The following ACVR1B variants were observed in gnomAD, a reference collection of about 807,000 sequenced individuals.
The protein encoded by ACVR1B is activin receptor type-1B.
A neutral mutation model predicts 55.6 loss-of-function variants in ACVR1B; 15 were observed. That is an observed-to-expected ratio of 0.27 (90% CI 0.18 to 0.42). The LOEUF is 0.42. ACVR1B is among the 10% of genes least tolerant of loss of function. ACVR1B has a pLI of 1.00. For synonymous variants in ACVR1B, 247 were observed against 254.6 expected, an observed-to-expected ratio of 0.97 and a Z score of 0.28; for missense variants, 359 against 670.1, an observed-to-expected ratio of 0.54 and a Z score of 5.13.
intron 1 of ACVR1B, among the ~76,000 whole-genome samples, chr12:51,957,010 C>T (rs1227704233): frequency 6.6e-6 from 1 of 152,152 alleles, no homozygotes; most frequent in South Asian, 2.1e-4. Flanking sequence ...CTCAAGCAAT[C>T]CACTCACCTG....
At chr12:51,990,338 A>G (rs575615205) in intron 7 of ACVR1B, among the ~76,000 whole-genome samples, 7 of 87,478 alleles carry the variant, frequency 8.0e-5, no homozygotes, top group Admixed American at 1.6e-4. Flanking sequence ...TTTTTTTGAG[A>G]CAGAGTCTCA....
chr12:51,953,539 C>CCTTATTAAA, intron 1 of ACVR1B: 1 of 984,062 alleles, frequency 1.0e-6, no homozygotes, highest in Non-Finnish European at 1.2e-6. Flanking sequence ...GTTCGTCGGG[C>CCTTATTAAA]CTTATTAAGG....
intron 1 of ACVR1B, among the ~76,000 whole-genome samples, chr12:51,959,143 C>T (rs1029942779): frequency 2.0e-5 from 3 of 152,332 alleles, no homozygotes; most frequent in Admixed American, 6.5e-5. Context: ...TGTACACACA[C>T]CTGCTTCAGG....
chr12:51,971,850 T>C (rs1300319051), intron 1 of ACVR1B, among the ~76,000 whole-genome samples: 1 of 152,056 alleles, frequency 6.6e-6, no homozygotes, highest in African/African-American at 2.4e-5. Context: ...ATTTTAGAGG[T>C]CATATAGTTC....
intron 1 of ACVR1B, among the ~76,000 whole-genome samples, chr12:51,972,802 T>G (rs971504609): frequency 6.6e-6 from 1 of 152,170 alleles, no homozygotes; most frequent in Non-Finnish European, 1.5e-5. Context: ...CTGTAAAATA[T>G]GTAATTAGAC....
At chr12:51,958,694 A>G (rs1384996207) in intron 1 of ACVR1B, among the ~76,000 whole-genome samples, 3 of 152,098 alleles carry the variant, frequency 2.0e-5, no homozygotes, top group Non-Finnish European at 4.4e-5. Flanking sequence ...CAAGCATGTT[A>G]GATTCTCATA....
intron 3 of ACVR1B, among the ~76,000 whole-genome samples, chr12:51,977,108 G>A (rs1163240841): frequency 6.6e-6 from 1 of 152,148 alleles, no homozygotes; most frequent in Non-Finnish European, 1.5e-5. Context: ...CATAGCATCA[G>A]CACTATTTCC....
intron 1 of ACVR1B, chr12:51,953,473 G>A (rs909409923): frequency 9.1e-6 from 9 of 985,190 alleles, no homozygotes; most frequent in Non-Finnish European, 1.1e-5. Context: ...CATGGTGAAG[G>A]TGTATGAACA....
At chr12:51,957,806 C>T (rs898871821) in intron 1 of ACVR1B, among the ~76,000 whole-genome samples, 2 of 152,208 alleles carry the variant, frequency 1.3e-5, no homozygotes, top group South Asian at 2.1e-4. Context: ...AACTAAGCTT[C>T]TCTAACATGT....
chr12:51,975,470 C>T lies in ACVR1B; in HGVS notation c.297C>T (p.Asp99=). ...GCAACACCCACTGCTGCTACACTGA[C>T]TACTGCAACAGGATCGACTTGAGGG... ...DLRNTHCCYT[D]YCNRIDLRVP... is the part of the protein sequence containing the mutation. Residue 99 remains aspartate (D), a synonymous_variant, in exon 2 of 9, where the codon GAC becomes GAT. Transcript: ENST00000257963. 5.6e-6 allele frequency: 9 copies of T among 1,614,242 alleles called. No homozygotes were observed. The highest frequency in any genetic ancestry group is 7.6e-6 in the Non-Finnish European group (9 of 1,180,038).
chr12:51,953,350 C>A (rs1941347324), intron 1 of ACVR1B: 1 of 985,394 alleles, frequency 1.0e-6, no homozygotes, highest in South Asian at 4.7e-5. Context: ...AGTGGTGGAG[C>A]CTGTGCAGCG....
In ACVR1B at chr12:51,951,848, C is replaced by T. The variant is rs774956562; in HGVS notation, c.91+14C>T. 1.5e-5 allele frequency: 19 copies of T among 1,253,604 alleles called. No individual in the cohort carries two copies. Among genetic ancestry groups the T allele is most frequent in the African/African-American group, 4.7e-5 (3 of 64,506 alleles). 77.7% of individuals were successfully genotyped at this position (1,253,604 alleles called of 1,614,324 possible). A position where few individuals can be genotyped will look rare whatever the true frequency, so the allele number is the denominator to read the frequency against. On this transcript the variant is annotated intron_variant, in intron 1 of 8. Coordinates refer to ENST00000257963, the MANE Select transcript of ACVR1B (RefSeq NM_004302.5). ...GGGGGGTCCAGGGTGAGTCCTGGGA[C>T]GGGGGGCGGGGGCCGGGATGGAGAG...
intron 4 of ACVR1B, among the ~76,000 whole-genome samples, chr12:51,982,020 T>C (rs1245331877): frequency 6.6e-6 from 1 of 152,180 alleles, no homozygotes; most frequent in East Asian, 1.9e-4. Flanking sequence ...CTTTTATTGC[T>C]TTAGTTTTTG....
intron 1 of ACVR1B, among the ~76,000 whole-genome samples, chr12:51,961,328 C>G (rs1307168921): frequency 6.6e-6 from 1 of 152,198 alleles, no homozygotes; most frequent in Non-Finnish European, 1.5e-5. Context: ...TTTCCATCCT[C>G]TCAGTAAAAT....
chr12:51,962,542 TTGCTTTACTGC>T (rs1313611465), intron 1 of ACVR1B, among the ~76,000 whole-genome samples: 1 of 152,218 alleles, frequency 6.6e-6, no homozygotes, highest in Non-Finnish European at 1.5e-5. Context: ...TAGCATGTGA[TTGCTTTACTGC>T]TGCAAGATTT....
intron 7 of ACVR1B, among the ~76,000 whole-genome samples, chr12:51,990,972 C>T (rs1382970453): frequency 6.6e-6 from 1 of 152,194 alleles, no homozygotes. Flanking sequence ...GTTCCTCTGT[C>T]CTTCTGTGAC....
intron 3 of ACVR1B, among the ~76,000 whole-genome samples, chr12:51,978,144 A>G (rs1941904981): frequency 6.6e-6 from 1 of 152,130 alleles, no homozygotes; most frequent in African/African-American, 2.4e-5. Flanking sequence ...TAAAAGCTGC[A>G]TATTTTTAGA....
intron 1 of ACVR1B, among the ~76,000 whole-genome samples, chr12:51,964,487 A>T (rs1388669294): frequency 6.6e-6 from 1 of 152,160 alleles, no homozygotes; most frequent in Non-Finnish European, 1.5e-5. Context: ...CAGTTTATCC[A>T]TTTTACTTTT....
Position 51,994,251 on chromosome 12 carries a change from C to T in ACVR1B, c.*141C>T, listed in dbSNP as rs367752259. On this transcript the variant is annotated 3_prime_UTR_variant, in exon 9 of 9. Coordinates refer to ENST00000257963, the MANE Select transcript of ACVR1B (RefSeq NM_004302.5). The surrounding 1 kb of genome is among the most constrained non-coding windows in gnomAD (Gnocchi z 4.2). Reference sequence around the variant, plus strand: ...CCTGGCCCGCAAGAGGGACAGAGCCCGGGAGAGACTCGCTCACTCCCATGT... The same window carrying T: ...CCTGGCCCGCAAGAGGGACAGAGCCTGGGAGAGACTCGCTCACTCCCATGT... 8 of 1,225,700 alleles carry T rather than the reference C, an allele frequency of 6.5e-6. No homozygotes were observed. The East Asian group carries it at 9.7e-5, about 15-fold the overall frequency. 75.9% of individuals were successfully genotyped at this position (1,225,700 alleles called of 1,614,324 possible).
Sources: allele counts gnomAD v4.1 joint callset (sites outside exome capture counted in the v4.1 genomes callset), GRCh38; gene constraint gnomAD v4.1.1; non-coding constraint Gnocchi (gnomAD v3.1); transcripts MANE v1.5; gene names NCBI Gene and HGNC (gene_info 2026-07-23, HGNC 2026-07-21).